Variants in TRIQK observed in about 807,000 individuals in gnomAD.
The protein encoded by TRIQK is triple QxxK/R motif-containing protein.
Under a neutral mutation model 10.8 loss-of-function variants are expected in TRIQK, and 10 were observed. That is an observed-to-expected ratio of 0.92 (90% confidence interval 0.57 to 1.57). The LOEUF (loss-of-function observed/expected upper bound fraction) is 1.57. TRIQK is among the 40% of genes most tolerant of loss of function. The pLI, the probability that TRIQK is intolerant of heterozygous loss-of-function variation, is 0.00. For missense variants in TRIQK, 107 were observed against 97.7 expected (o/e 1.09, Z -0.40); for synonymous variants, 33 against 33.7 (o/e 0.98, Z 0.07).
chr8:92,911,542 A>AT (rs1020588151), intron 3 of TRIQK, among the ~76,000 whole-genome samples: 2 of 151,426 alleles, frequency 1.3e-5, no homozygotes, highest in Non-Finnish European at 3.0e-5. Flanking sequence ...CTAGCTTTAG[A>AT]TTTAATGACA....
chr8:92,975,756 T>C (rs1036698859), intron 1 of TRIQK, among the ~76,000 whole-genome samples: 1 of 152,042 alleles, frequency 6.6e-6, no homozygotes, highest in Non-Finnish European at 1.5e-5. Context: ...TAGATAGAGA[T>C]TGAAGCCATT....
intron 4 of TRIQK, among the ~76,000 whole-genome samples, chr8:92,888,601 G>A (rs1816602137): frequency 6.6e-6 from 1 of 151,492 alleles, no homozygotes. Flanking sequence ...AATAATGCTT[G>A]CAGGATGCTG....
intron 1 of TRIQK, among the ~76,000 whole-genome samples, chr8:92,991,065 G>C (rs377911): frequency 0.03 from 4,562 of 152,244 alleles, 90 homozygotes; most frequent in Middle Eastern, 0.044. Flanking sequence ...GGCTTGGTGG[G>C]GGGAGGGAGG....
At chr8:92,914,097 A>G (rs1297859477) in intron 3 of TRIQK, among the ~76,000 whole-genome samples, 3 of 152,210 alleles carry the variant, frequency 2.0e-5, no homozygotes, top group Non-Finnish European at 4.4e-5. Flanking sequence ...CTGCACATGT[A>G]TCCTAGAACT....
intron 1 of TRIQK, among the ~76,000 whole-genome samples, chr8:93,006,970 T>C (rs2130760759): frequency 6.6e-6 from 1 of 152,316 alleles, no homozygotes; most frequent in Non-Finnish European, 1.5e-5. Flanking sequence ...TGGGATTCCT[T>C]CAGCGCAGTG....
At chr8:92,912,159 T>A (rs1301115392) in intron 3 of TRIQK, among the ~76,000 whole-genome samples, 1 of 151,646 alleles carries the variant, frequency 6.6e-6, no homozygotes, top group African/African-American at 2.4e-5. Context: ...TTCTCCAGGA[T>A]AAATCACATG....
chr8:92,988,133 C>G (rs1446277592), intron 1 of TRIQK, among the ~76,000 whole-genome samples: 3 of 150,714 alleles, frequency 2.0e-5, no homozygotes. Context: ...GCCTCAGCCT[C>G]CTGAGTAGCT....
Position 92,886,703 on chromosome 8 carries a change from T to G in TRIQK, c.180A>C (p.Ala60=), listed in dbSNP as rs1215819397. 1 of 1,532,542 alleles carries G rather than the reference T, an allele frequency of 6.5e-7. No homozygotes were observed. Among genetic ancestry groups the G allele is most frequent in the Non-Finnish European group, 8.7e-7 (1 of 1,143,708 alleles). 94.9% of individuals were successfully genotyped at this position (1,532,542 alleles called of 1,614,324 possible). A position where few individuals can be genotyped will look rare whatever the true frequency, so the allele number is the denominator to read the frequency against. The part of the protein sequence containing the change: ...EVGLVLAAIL[A]LLLAFYAFFY... ...AGAAAGCATAGAAAGCCAGTAGTAGTGCCAATATAGCTGCAAGTACAAGGC... is the reference window on the plus strand; with the variant it reads ...AGAAAGCATAGAAAGCCAGTAGTAGGGCCAATATAGCTGCAAGTACAAGGC... The change falls in exon 5 of 5, where the codon GCA becomes GCC. Residue 60 remains alanine (A), a synonymous_variant. Coordinates refer to ENST00000521988, the MANE Select transcript of TRIQK (RefSeq NM_001171797.2).
At chr8:92,969,219 G>A (rs1359272465), upstream of TRIQK, among the ~76,000 whole-genome samples, 2 of 152,008 alleles carry the variant, frequency 1.3e-5, no homozygotes. Flanking sequence ...ATTGAAGTCA[G>A]GTAACATGAT....
intron 1 of TRIQK, among the ~76,000 whole-genome samples, chr8:92,990,157 T>G (rs1813082315): frequency 6.6e-6 from 1 of 152,204 alleles, no homozygotes; most frequent in Admixed American, 6.5e-5. Flanking sequence ...AGAAACAGTA[T>G]ATTATGCTCT....
chr8:92,997,415 G>A (rs762733688), intron 1 of TRIQK, among the ~76,000 whole-genome samples: 9 of 152,046 alleles, frequency 5.9e-5, no homozygotes, highest in East Asian at 1.9e-4. Context: ...GATTTAGGAC[G>A]TTAGGTTACA....
chr8:92,913,522 G>A (rs888397929), intron 3 of TRIQK, among the ~76,000 whole-genome samples: 1 of 152,166 alleles, frequency 6.6e-6, no homozygotes, highest in Non-Finnish European at 1.5e-5. Context: ...CTGTTGGTGG[G>A]AGTGCCAATT....
chr8:92,938,319 C>A (rs753171844), intron 2 of TRIQK, among the ~76,000 whole-genome samples: 15 of 151,878 alleles, frequency 9.9e-5, no homozygotes, highest in Non-Finnish European at 1.9e-4. Flanking sequence ...TATATGTATA[C>A]AATTTGTAAT....
chr8:92,912,608 G>GA (rs1293165413), intron 3 of TRIQK, among the ~76,000 whole-genome samples: 3 of 151,660 alleles, frequency 2.0e-5, no homozygotes, highest in Non-Finnish European at 4.4e-5. Flanking sequence ...AAACAATGTG[G>GA]AAAAAATCAA....
At chr8:92,962,422 C>T (rs1265290944) in intron 1 of TRIQK, among the ~76,000 whole-genome samples, 2 of 152,158 alleles carry the variant, frequency 1.3e-5, no homozygotes, top group South Asian at 2.1e-4. Context: ...TCAAAAGATG[C>T]TTTGGCATTG....
chr8:93,004,850 A>G (rs1159360904), intron 1 of TRIQK, among the ~76,000 whole-genome samples: 1 of 152,176 alleles, frequency 6.6e-6, no homozygotes, highest in Non-Finnish European at 1.5e-5. Flanking sequence ...CCAGTTCCCA[A>G]TGAGTTCCTC....
chr8:92,993,994 G>A (rs1394435), intron 1 of TRIQK, among the ~76,000 whole-genome samples: 1 of 151,898 alleles, frequency 6.6e-6, no homozygotes, highest in East Asian at 1.9e-4. Context: ...TTGGAACAAG[G>A]GCAGAAAGAA....
chr8:93,002,195 C>T (rs750206231), intron 1 of TRIQK, among the ~76,000 whole-genome samples: 1 of 151,982 alleles, frequency 6.6e-6, no homozygotes, highest in Non-Finnish European at 1.5e-5. Flanking sequence ...AACAGCCAAA[C>T]ATTGCACCTC....
At chr8:92,889,588 T>TG (rs1754922074) in intron 4 of TRIQK, among the ~76,000 whole-genome samples, 1 of 151,628 alleles carries the variant, frequency 6.6e-6, no homozygotes, top group Non-Finnish European at 1.5e-5. Flanking sequence ...TTAAGGCCGA[T>TG]GACAAACACT....
Sources: allele counts gnomAD v4.1 joint callset (sites outside exome capture counted in the v4.1 genomes callset), GRCh38; gene constraint gnomAD v4.1.1; transcripts MANE v1.5; gene names NCBI Gene and HGNC (gene_info 2026-07-23, HGNC 2026-07-21).